Variants in ACO1 observed in about 807,000 individuals in gnomAD.
ACO1 encodes cytoplasmic aconitate hydratase.
Under a neutral mutation model 105.1 loss-of-function variants are expected in ACO1, and 78 were observed. The ratio of observed to expected loss-of-function variants is 0.74; its 90% CI spans 0.62 to 0.90. The LOEUF is 0.90. Ranked by LOEUF, ACO1 falls within the 40% of genes least tolerant of loss-of-function variation. The pLI is 0.00. For synonymous variants in ACO1, 364 were observed against 397.4 expected, an observed-to-expected ratio of 0.92 and a Z score of 1.00; for missense variants, 965 against 1,111.1, an observed-to-expected ratio of 0.87 and a Z score of 1.87.
Position 32,444,526 on chromosome 9 carries a change from G to A in ACO1, c.2370+3939G>A, listed in dbSNP as rs929532749. Reference sequence around the variant, plus strand: ...TTTAATGATCGCCATTCTAACTGGTGTGAGATGGTATCTCATTGTGGTTTT... The same window carrying A: ...TTTAATGATCGCCATTCTAACTGGTATGAGATGGTATCTCATTGTGGTTTT... On this transcript the variant is annotated intron_variant, in intron 19 of 20. Transcript: ENST00000309951. Among the ~76,000 whole-genome samples, 11 of 152,288 alleles carry A rather than the reference G, an allele frequency of 7.2e-5. 1 individual carries two copies. The highest frequency in any genetic ancestry group is 5.9e-4 in the Admixed American group (9 of 15,298).
intron 1 of ACO1, among the ~76,000 whole-genome samples, chr9:32,385,104 G>A (rs936028753): frequency 5.3e-5 from 8 of 152,222 alleles, no homozygotes; most frequent in African/African-American, 1.9e-4. Context: ...CCCAGGCCCG[G>A]CTGGCTGGAT....
chr9:32,418,510 G>C lies in ACO1; in HGVS notation c.657G>C (p.Trp219Cys). 4.3e-6 allele frequency: 7 copies of C among 1,610,970 alleles called. No homozygotes were observed. The highest frequency in any genetic ancestry group is 5.9e-6 in the Non-Finnish European group (7 of 1,177,570). ...TTGATGGCTTGGGCATTCTTGGTTG[G>C]GGTGAGTGTTCTTCCATATATGCTG... ...TMIDGLGILG[W>C]GVGGIEAEAV... Residue 219 changes from tryptophan (W) to cysteine (C), a missense_variant and splice_region_variant, in exon 6 of 21, where the codon TGG becomes TGC. Physicochemically the swap from Trp to Cys is radical, Grantham distance 215. Transcript: ENST00000309951.
At chr9:32,428,673 C>A (rs1438010052) in intron 12 of ACO1, among the ~76,000 whole-genome samples, 1 of 152,042 alleles carries the variant, frequency 6.6e-6, no homozygotes, top group Non-Finnish European at 1.5e-5. Flanking sequence ...CCCGTCTCTA[C>A]TGAAAATACA....
At chr9:32,393,327 G>C (rs1414820818) in intron 1 of ACO1, among the ~76,000 whole-genome samples, 2 of 152,152 alleles carry the variant, frequency 1.3e-5, no homozygotes, top group Admixed American at 6.5e-5. Context: ...TACGGTCACT[G>C]CTGTAGGGAA....
At chr9:32,385,410 C>A (rs1821138095) in intron 1 of ACO1, among the ~76,000 whole-genome samples, 1 of 152,178 alleles carries the variant, frequency 6.6e-6, no homozygotes, top group African/African-American at 2.4e-5. Context: ...CTCAGTACTC[C>A]TTTACACTCT....
intron 4 of ACO1, among the ~76,000 whole-genome samples, chr9:32,413,221 C>T (rs997389315): frequency 1.3e-5 from 2 of 152,066 alleles, no homozygotes; most frequent in Admixed American, 6.6e-5. Flanking sequence ...GGCGGTGGCT[C>T]GCCCCTGTAA....
intron 13 of ACO1, 111 bp downstream of exon 13, chr9:32,429,614 G>A (rs1822181193): frequency 1.1e-6 from 1 of 926,458 alleles, no homozygotes; most frequent in East Asian, 2.6e-5. Flanking sequence ...ATGTGGTTTA[G>A]AGTATGATCT....
Position 32,424,436 on chromosome 9 carries a change from G to A in ACO1, c.1072-113G>A, listed in dbSNP as rs112039747. The A allele has an allele frequency of 2.5e-4, 173 of 701,994 alleles. 1 individual carries two copies. The African/African-American group carries it at 2.9e-3, about 12-fold the overall frequency. 43.5% of individuals were successfully genotyped at this position (701,994 alleles called of 1,614,324 possible). ...GGCTTCCTTGTTTTGGAATGTGGTA[G>A]TTTATTTGCTTATTTTTATGGTTGT... is the stretch of plus-strand genomic sequence containing the variant. On this transcript the variant is annotated intron_variant, in intron 9 of 20. Coordinates refer to ENST00000309951, the MANE Select transcript of ACO1 (RefSeq NM_002197.3).
In ACO1 at chr9:32,450,099, G is replaced by A; in HGVS notation, c.2658G>A (p.Lys886=). The change falls in exon 21 of 21, where the codon AAG becomes AAA. Residue 886 remains lysine, a synonymous_variant. Coordinates refer to ENST00000309951, the MANE Select transcript of ACO1 (RefSeq NM_002197.3). ...NGGILNYMIR[K]MAK ...GCATCCTCAACTACATGATCCGCAA[G>A]ATGGCCAAGTAGGAGACGTGCACTT... 6.2e-7 allele frequency: 1 copy of A among 1,613,556 alleles called. No individual in the cohort carries two copies.
chr9:32,410,310 G>A (rs149581457), intron 4 of ACO1, among the ~76,000 whole-genome samples: 1,645 of 152,246 alleles, frequency 0.011, 30 homozygotes, highest in African/African-American at 0.037. Context: ...TGTAATCCCA[G>A]CACTTTGGGA....
chr9:32,428,566 C>T (rs1448462654), intron 12 of ACO1, among the ~76,000 whole-genome samples: 5 of 151,718 alleles, frequency 3.3e-5, no homozygotes, highest in Admixed American at 3.3e-4. Flanking sequence ...TGGCTGGGCG[C>T]GGTGGCTCAT....
At chr9:32,435,853 C>G in intron 17 of ACO1, 4 of 342,168 alleles carry the variant, frequency 1.2e-5, no homozygotes, top group South Asian at 9.3e-5. Flanking sequence ...GTTTGTGGCT[C>G]CATCTGATTT....
chr9:32,419,690 G>T (rs546441159), intron 7 of ACO1, among the ~76,000 whole-genome samples: 1 of 152,190 alleles, frequency 6.6e-6, no homozygotes, highest in Admixed American at 6.5e-5. Flanking sequence ...GTAGTTCCAT[G>T]AATAGAGTTT....
intron 1 of ACO1, among the ~76,000 whole-genome samples, chr9:32,398,229 C>T (rs1297065881): frequency 6.6e-6 from 1 of 152,202 alleles, no homozygotes; most frequent in African/African-American, 2.4e-5. Flanking sequence ...GTAGCAAATT[C>T]ATAGATGTAT....
intron 18 of ACO1, among the ~76,000 whole-genome samples, chr9:32,438,134 C>T (rs1455346162): frequency 6.6e-6 from 1 of 152,114 alleles, no homozygotes; most frequent in East Asian, 1.9e-4. Flanking sequence ...CAGAGAAAAA[C>T]AGCTCACATG....
intron 4 of ACO1, among the ~76,000 whole-genome samples, chr9:32,411,176 T>G (rs1461804091): frequency 1.1e-4 from 16 of 152,178 alleles, no homozygotes; most frequent in Non-Finnish European, 2.9e-5. Context: ...TCGGTGGAAG[T>G]AACTTCAAGA....
At chr9:32,407,515 C>A in intron 3 of ACO1, 86 bp downstream of exon 3, 1 of 1,251,920 alleles carries the variant, frequency 8.0e-7, no homozygotes, top group South Asian at 1.5e-5. Flanking sequence ...AAACACTCTG[C>A]AATGACTATA....
intron 19 of ACO1, among the ~76,000 whole-genome samples, chr9:32,446,796 T>C (rs1822618987): frequency 6.6e-6 from 1 of 152,230 alleles, no homozygotes; most frequent in African/African-American, 2.4e-5. Flanking sequence ...ACAGAATCTC[T>C]CAGCATTTGC....
rs115957088 is a variant in ACO1, at chr9:32,419,602, A to G, written c.798+425A>G. ...GAAATAATCACTATCCTGAGGTTGT[A>G]AGAATCATTCCCATGCATGTGTTTA... On this transcript the variant is annotated intron_variant, in intron 7 of 20. Coordinates refer to ENST00000309951, the MANE Select transcript of ACO1 (RefSeq NM_002197.3). Among the ~76,000 whole-genome samples the G allele has an allele frequency of 9.5e-3, 1,444 of 152,366 alleles. 24 individuals carry two copies. Among genetic ancestry groups the G allele is most frequent in the African/African-American group, 0.033 (1,388 of 41,582 alleles).
Sources: allele counts gnomAD v4.1 joint callset (sites outside exome capture counted in the v4.1 genomes callset), GRCh38; gene constraint gnomAD v4.1.1; transcripts MANE v1.5; gene names NCBI Gene and HGNC (gene_info 2026-07-23, HGNC 2026-07-21).